MIA: variants seen among roughly 807,000 people sequenced by gnomAD.
MIA encodes the protein MIA SH3 domain containing, also known as melanoma-derived growth regulatory protein.
MIA carries 18 observed loss-of-function variants against 18.5 expected under a neutral mutation model. The ratio of observed to expected loss-of-function variants is 0.97; its 90% CI spans 0.67 to 1.44. MIA has a LOEUF of 1.44. Ranked by LOEUF, MIA falls within the 40% of genes most tolerant of loss-of-function variation. MIA has a pLI of 0.00. For missense variants in MIA, 158 were observed against 172.4 expected (o/e 0.92, Z 0.47); for synonymous variants, 55 against 64.9 (o/e 0.85, Z 0.74).
rs1474393744 is a variant in MIA, at chr19:40,775,745, T to C, written c.128-7T>C. ...GGGTGCTGCATTCCCTTCTATTCCTTCCCTAGACCCTATCTCCATGGCTGT... is the reference window on the plus strand; with the variant it reads ...GGGTGCTGCATTCCCTTCTATTCCTCCCCTAGACCCTATCTCCATGGCTGT... On this transcript the variant is annotated splice_region_variant and splice_polypyrimidine_tract_variant and intron_variant, in intron 1 of 3. Transcript: ENST00000263369. 6.2e-7 allele frequency: 1 copy of C among 1,613,894 alleles called. No individual in the cohort carries two copies. Among genetic ancestry groups the C allele is most frequent in the African/African-American group, 1.3e-5 (1 of 74,860 alleles).
In MIA at chr19:40,775,850, C is replaced by T. The variant is rs1446823295; in HGVS notation, c.226C>T (p.Leu76=). The T allele has an allele frequency of 5.6e-6, 9 of 1,614,018 alleles. No homozygotes were observed. In the South Asian group the frequency reaches 9.9e-5, roughly 18 times the overall value. The change falls in exon 2 of 4, where the codon CTG becomes TTG. Residue 76 remains leucine, a synonymous_variant. Transcript: ENST00000263369. ...RGQVVYVFSK[L]KGRGRLFWGG... is the part of the protein sequence containing the mutation. ...CCAAGTGGTGTATGTCTTCTCCAAG[C>T]TGAAGGGCCGTGGGCGGCTCTTCTG...
intron 2 of MIA, among the ~76,000 whole-genome samples, chr19:40,776,474 A>T (rs2082997498): frequency 6.6e-6 from 1 of 152,152 alleles, no homozygotes; most frequent in South Asian, 2.1e-4. Context: ...AGCCGGGCAC[A>T]GTAGCTCACA....
In MIA at chr19:40,775,620, T is replaced by G. The variant is rs892513520; in HGVS notation, c.78T>G (p.Pro26=). The change falls in exon 1 of 4, where the codon CCT becomes CCG. Residue 26 remains proline (P), a synonymous_variant. Coordinates refer to ENST00000263369, the MANE Select transcript of MIA (RefSeq NM_006533.4). Reference sequence around the variant, plus strand: ...CCGGACCTGGTGTCAGGGGTGGTCCTATGCCCAAGCTGGCTGACCGGAAGC... The same window carrying G: ...CCGGACCTGGTGTCAGGGGTGGTCCGATGCCCAAGCTGGCTGACCGGAAGC... ...AFSGPGVRGG[P]MPKLADRKLC... is the part of the protein sequence containing the mutation. The G allele has an allele frequency of 1.9e-6, 3 of 1,614,190 alleles. No homozygotes were observed. The highest frequency in any genetic ancestry group is 2.5e-6 in the Non-Finnish European group (3 of 1,180,032).
intron 2 of MIA, chr19:40,776,721 G>A (rs1408146806): frequency 1.1e-5 from 4 of 349,774 alleles, no homozygotes; most frequent in African/African-American, 8.6e-5. Flanking sequence ...CAACCTGGGC[G>A]ACACAATGAG....
At chr19:40,776,857 A>G in intron 2 of MIA, 112 bp from the exon 3 acceptor site, 1 of 684,578 alleles carries the variant, frequency 1.5e-6, no homozygotes, top group Non-Finnish European at 2.5e-6. Context: ...GATTCATATG[A>G]CAAGGATGGA....
chr19:40,777,119 A>G (rs1568489393), intron 3 of MIA, 40 bp downstream of exon 3: 3 of 1,560,472 alleles, frequency 1.9e-6, no homozygotes, highest in Non-Finnish European at 2.6e-6. Context: ...TGGGGGGAGG[A>G]CCCTTAGGTT....
intron 2 of MIA, 74 bp from the exon 3 acceptor site, chr19:40,776,895 G>A (rs953639060): frequency 3.1e-6 from 3 of 966,704 alleles, no homozygotes; most frequent in East Asian, 2.5e-5. Flanking sequence ...AGGGAGAAGG[G>A]AGAATGCAAA....
intron 3 of MIA, 65 bp from the exon 4 acceptor site, chr19:40,777,332 C>G: frequency 6.3e-7 from 1 of 1,587,950 alleles, no homozygotes; most frequent in Non-Finnish European, 8.6e-7. Context: ...TTTGCTAAAA[C>G]CACTAGATCC....
chr19:40,776,628 G>A (rs1433464956), intron 2 of MIA, among the ~76,000 whole-genome samples: 5 of 151,900 alleles, frequency 3.3e-5, no homozygotes, highest in African/African-American at 7.3e-5. Context: ...CTGTGGTCCC[G>A]GCTACTCGGG....
At position 40,775,742 on chromosome 19, in the gene MIA, C is replaced by A. The variant is rs2082991013; in HGVS notation, c.128-10C>A. ...GGAGGGTGCTGCATTCCCTTCTATT[C>A]CTTCCCTAGACCCTATCTCCATGGC... On this transcript the variant is annotated splice_polypyrimidine_tract_variant and intron_variant, in intron 1 of 3. Coordinates refer to ENST00000263369, the MANE Select transcript of MIA (RefSeq NM_006533.4). The A allele has an allele frequency of 6.2e-7, 1 of 1,613,970 alleles. No homozygotes were observed. Among genetic ancestry groups the A allele is most frequent in the African/African-American group, 1.3e-5 (1 of 74,890 alleles).
chr19:40,776,780 G>A, intron 2 of MIA, 189 bp from the exon 3 acceptor site: 1 of 529,814 alleles, frequency 1.9e-6, no homozygotes. Flanking sequence ...ATGCGCTGCT[G>A]TGAGAATTAA....
Position 40,777,484 on chromosome 19 carries a change from G to A in MIA, c.*64G>A. On this transcript the variant is annotated 3_prime_UTR_variant, in exon 4 of 4. Transcript: ENST00000263369. ...GCTTTATGCAAATACAATCAGCCCA[G>A]TGCAAACGGCTCGTCTCCGTGGTCT... The A allele has an allele frequency of 6.9e-7, 1 of 1,457,848 alleles. No homozygotes were observed. The highest frequency in any genetic ancestry group is 9.6e-7 in the Non-Finnish European group (1 of 1,042,400). The allele number at this position is 1,457,848 out of a possible 1,614,324, so 90.3% of individuals were successfully genotyped here.
Position 40,776,958 on chromosome 19 carries a change from C to G in MIA, c.262-11C>G, listed in dbSNP as rs1365428271. The G allele has an allele frequency of 6.2e-7, 1 of 1,603,340 alleles. No individual in the cohort carries two copies. Among genetic ancestry groups the G allele is most frequent in the African/African-American group, 1.3e-5 (1 of 74,744 alleles). ...CTTCCCAGACCCTAGCTTTTAACTC[C>G]TCTTCCCCAGGTTCAGGGAGATTAC... On this transcript the variant is annotated splice_polypyrimidine_tract_variant and intron_variant, in intron 2 of 3. Transcript: ENST00000263369.
intron 2 of MIA, among the ~76,000 whole-genome samples, chr19:40,776,640 G>A (rs117044563): frequency 0.077 from 11,709 of 152,160 alleles, 622 homozygotes; most frequent in Non-Finnish European, 0.11. Context: ...CTACTCGGGA[G>A]GCTGAGGTGG....
chr19:40,775,404 G>C (rs563002869), upstream of MIA: 286 of 1,297,644 alleles, frequency 2.2e-4, 1 homozygote, highest in South Asian at 2.6e-3. Context: ...ACTTCTAGGT[G>C]GTGTGGGCGA....
rs2082990391 is a variant in MIA, at chr19:40,775,669, CG to C, written c.127+1del. 1.2e-6 allele frequency: 2 copies of C among 1,614,074 alleles called. No homozygotes were observed. Among genetic ancestry groups the C allele is most frequent in the East Asian group, 4.5e-5 (2 of 44,872 alleles). On this transcript the variant is annotated splice_donor_variant, in intron 1 of 3. Coordinates refer to ENST00000263369, the MANE Select transcript of MIA (RefSeq NM_006533.4). LOFTEE classifies it high-confidence loss of function. ...GCTGTGTGCGGACCAGGAGTGCAGC[CG>C]TAAGAATGGGGAGGGGAGAATTGGG...
In MIA at chr19:40,777,032, C is replaced by T. The variant is rs1213625727; in HGVS notation, c.325C>T (p.Arg109Ter). ...RLGYFPSSIV[R>*]EDQTLKPGKV... ...GGGCTATTTCCCCAGTAGCATTGTC[C>T]GAGAGGACCAGACCCTGAAACCTGG... Residue 109 changes from arginine to a stop codon, truncating the protein, a stop_gained, in exon 3 of 4, where the codon CGA becomes TGA. Coordinates refer to ENST00000263369, the MANE Select transcript of MIA (RefSeq NM_006533.4). LOFTEE classifies it high-confidence loss of function. The T allele has an allele frequency of 2.5e-6, 4 of 1,613,446 alleles. No homozygotes were observed. In the Admixed American group the frequency reaches 5.0e-5, roughly 20 times the overall value.
chr19:40,775,508 C>T (rs1330620740), upstream of MIA: 1 of 1,612,970 alleles, frequency 6.2e-7, no homozygotes, highest in Non-Finnish European at 8.5e-7. Flanking sequence ...GAGACCCCAG[C>T]ACCCCCTTGC....
chr19:40,775,902 T>C lies in MIA; in HGVS notation c.261+17T>C, dbSNP rs776088164. 6.2e-7 allele frequency: 1 copy of C among 1,611,136 alleles called. No homozygotes were observed. The highest frequency in any genetic ancestry group is 1.4e-5 in the African/African-American group (1 of 74,054). On this transcript the variant is annotated intron_variant, in intron 2 of 3. Transcript: ENST00000263369. The stretch of plus-strand genomic sequence containing the variant: ...GGAGGCAGCGTGAGTCTTGGGAGAG[T>C]GAAAGAGGGAAGGGTACAGAGCTGG...
Sources: gnomAD v4.1 joint callset for allele counts (sites outside exome capture counted in the v4.1 genomes callset) on GRCh38, gnomAD v4.1.1 for gene constraint, MANE v1.5 for transcripts, NCBI Gene and HGNC (gene_info 2026-07-23, HGNC 2026-07-21) for gene names.